SLC28A1: variants seen among roughly 807,000 people sequenced by gnomAD.
SLC28A1 encodes the protein solute carrier family 28 member 1.
SLC28A1 carries 64 observed loss-of-function variants against 74.8 expected under a neutral mutation model. That is an observed-to-expected ratio of 0.86 (90% confidence interval 0.70 to 1.05). The LOEUF (loss-of-function observed/expected upper bound fraction) is 1.05, where lower values mean the gene tolerates loss of function less well. Ranked by LOEUF, SLC28A1 falls within the 50% of genes least tolerant of loss-of-function variation. SLC28A1 has a pLI of 0.00. For synonymous variants in SLC28A1, 359 were observed against 335.0 expected (o/e 1.07, Z -0.78); for missense variants, 828 against 822.8 (o/e 1.01, Z -0.08).
chr15:84,934,652 C>G (rs1320530036), intron 13 of SLC28A1, among the ~76,000 whole-genome samples: 1 of 152,106 alleles, frequency 6.6e-6, no homozygotes, highest in East Asian at 1.9e-4. Flanking sequence ...TTTTAATAAC[C>G]GATTTTACTT....
At chr15:84,921,626 C>T (rs896454042) in intron 11 of SLC28A1, among the ~76,000 whole-genome samples, 4 of 152,190 alleles carry the variant, frequency 2.6e-5, no homozygotes, top group African/African-American at 9.7e-5. Context: ...GCCCATCTGC[C>T]TAATGTTTGA....
At chr15:84,940,123 CG>C (rs776775454) in intron 15 of SLC28A1, among the ~76,000 whole-genome samples, 1 of 152,140 alleles carries the variant, frequency 6.6e-6, no homozygotes, top group Non-Finnish European at 1.5e-5. Flanking sequence ...CCACCACGCC[CG>C]GCTCCAGTGG....
At chr15:84,910,076 C>G (rs892455282) in intron 9 of SLC28A1, among the ~76,000 whole-genome samples, 2 of 152,198 alleles carry the variant, frequency 1.3e-5, no homozygotes, top group African/African-American at 4.8e-5. Flanking sequence ...GCCTTAGCAT[C>G]TCTTGTGCCA....
At chr15:84,928,247 G>A (rs1177791056) in intron 12 of SLC28A1, among the ~76,000 whole-genome samples, 1 of 152,082 alleles carries the variant, frequency 6.6e-6, no homozygotes, top group Non-Finnish European at 1.5e-5. Context: ...TACAGTCTCT[G>A]GTTTGAAAGC....
intron 9 of SLC28A1, among the ~76,000 whole-genome samples, chr15:84,914,943 G>GA: frequency 6.6e-6 from 1 of 152,126 alleles, no homozygotes; most frequent in Non-Finnish European, 1.5e-5. Flanking sequence ...CTCACAGATA[G>GA]AAAATCTTTT....
the SLC28A1 span, among the ~76,000 whole-genome samples, chr15:84,951,942 C>T: frequency 6.6e-6 from 1 of 152,276 alleles, no homozygotes; most frequent in Non-Finnish European, 1.5e-5. Flanking sequence ...GAAGGCAAGG[C>T]GAGGCAAGGG....
At chr15:84,887,544 A>G (rs3743160) in intron 2 of SLC28A1, 248,867 of 984,584 alleles carry the variant, frequency 0.25, 32,906 homozygotes, top group South Asian at 0.33. Context: ...TACCTCCTCC[A>G]TGTGCTGAGA....
intron 2 of SLC28A1, 81 bp downstream of exon 2, chr15:84,886,868 T>C: frequency 1.3e-6 from 1 of 745,602 alleles, no homozygotes; most frequent in Non-Finnish European, 1.6e-6. Flanking sequence ...GCTCTGCCTG[T>C]GTGTGTGCAC....
At chr15:84,915,042 C>T (rs1968890992) in intron 9 of SLC28A1, among the ~76,000 whole-genome samples, 1 of 152,156 alleles carries the variant, frequency 6.6e-6, no homozygotes, top group South Asian at 2.1e-4. Context: ...TCCCTGCAGG[C>T]CTGCTAGCTG....
chr15:84,904,307 G>A, intron 7 of SLC28A1, 69 bp downstream of exon 7: 1 of 1,605,210 alleles, frequency 6.2e-7, no homozygotes, highest in Non-Finnish European at 8.5e-7. Context: ...GGCTGGATCT[G>A]GGAGCTGGGG....
chr15:84,908,852 C>A, intron 9 of SLC28A1, 57 bp downstream of exon 9: 1 of 1,428,148 alleles, frequency 7.0e-7, no homozygotes, highest in Non-Finnish European at 9.9e-7. Flanking sequence ...GCGACTCCAG[C>A]TAGAGGGGAG....
intron 9 of SLC28A1, among the ~76,000 whole-genome samples, chr15:84,910,454 C>T (rs533166014): frequency 1.0e-3 from 156 of 152,266 alleles, no homozygotes; most frequent in South Asian, 1.5e-3. Context: ...CTCAGCTGGG[C>T]GCGGTGGCTC....
At position 84,927,687 on chromosome 15, in the gene SLC28A1, C is replaced by T. The variant is rs533969998; in HGVS notation, c.1083+3577C>T. Among the ~76,000 whole-genome samples the T allele has an allele frequency of 7.2e-5, 11 of 152,268 alleles. No individual in the cohort carries two copies. The East Asian group carries it at 1.4e-3, about 19-fold the overall frequency. On this transcript the variant is annotated intron_variant, in intron 12 of 18. Coordinates refer to ENST00000394573, the MANE Select transcript of SLC28A1 (RefSeq NM_004213.5). ...TTTGGGGAAAAGGGCTTCTGGTCTCCGTGCCCTGCCTTGGAGAAGGGGAAT... is the reference window on the plus strand; with the variant it reads ...TTTGGGGAAAAGGGCTTCTGGTCTCTGTGCCCTGCCTTGGAGAAGGGGAAT...
At chr15:84,923,954 C>T (rs778608288) in intron 11 of SLC28A1, 31 bp from the exon 12 acceptor site, 3 of 1,613,996 alleles carry the variant, frequency 1.9e-6, no homozygotes, top group South Asian at 2.2e-5. Context: ...TCACCCCCAC[C>T]CTGCTTGTCT....
chr15:84,917,045 TA>T (rs1969219350), intron 9 of SLC28A1, among the ~76,000 whole-genome samples: 1 of 32,034 alleles, frequency 3.1e-5, no homozygotes, highest in African/African-American at 5.7e-5. Context: ...AAAAAATAAA[TA>T]AAAAAGGTAG....
At chr15:84,924,859 C>A (rs1466876206) in intron 12 of SLC28A1, among the ~76,000 whole-genome samples, 1 of 151,982 alleles carries the variant, frequency 6.6e-6, no homozygotes, top group Non-Finnish European at 1.5e-5. Flanking sequence ...TCTTTCTTAA[C>A]CCCACTTCCC....
At chr15:84,928,069 G>T (rs1970714930) in intron 12 of SLC28A1, among the ~76,000 whole-genome samples, 1 of 152,150 alleles carries the variant, frequency 6.6e-6, no homozygotes, top group Admixed American at 6.5e-5. Context: ...CCACAATCTG[G>T]CTTAAAACTC....
At chr15:84,936,554 G>C (rs1034651897) in intron 15 of SLC28A1, among the ~76,000 whole-genome samples, 4 of 152,128 alleles carry the variant, frequency 2.6e-5, no homozygotes, top group Non-Finnish European at 2.9e-5. Flanking sequence ...ACCATACCCG[G>C]CCATCACCTT....
intron 6 of SLC28A1, among the ~76,000 whole-genome samples, chr15:84,901,558 A>T (rs1325513999): frequency 1.3e-5 from 2 of 152,190 alleles, no homozygotes; most frequent in African/African-American, 4.8e-5. Context: ...AAGGCTCAAG[A>T]TATGAACAGA....
Sources: gnomAD v4.1 joint callset for allele counts (sites outside exome capture counted in the v4.1 genomes callset) on GRCh38, gnomAD v4.1.1 for gene constraint, MANE v1.5 for transcripts, NCBI Gene and HGNC (gene_info 2026-07-23, HGNC 2026-07-21) for gene names.